ZDHHC14: variants seen among roughly 807,000 people sequenced by gnomAD.
ZDHHC14 encodes zDHHC palmitoyltransferase 14, also known as palmitoyltransferase ZDHHC14.
ZDHHC14 carries 16 observed loss-of-function variants against 47.7 expected under a neutral mutation model. That is an observed-to-expected ratio of 0.34 (90% CI 0.23 to 0.51). The LOEUF is 0.51. Among genes scored for constraint, ZDHHC14 ranks in the 20% least tolerant of loss-of-function variants. ZDHHC14 has a pLI of 0.97. For synonymous variants in ZDHHC14, 293 were observed against 278.9 expected, an observed-to-expected ratio of 1.05 and a Z score of -0.50; for missense variants, 515 against 662.5, an observed-to-expected ratio of 0.78 and a Z score of 2.44.
At chr6:157,404,398 G>C (rs1160333042) in intron 1 of ZDHHC14, among the ~76,000 whole-genome samples, 1 of 152,170 alleles carries the variant, frequency 6.6e-6, no homozygotes, top group Non-Finnish European at 1.5e-5. Flanking sequence ...GCCTCCCAAA[G>C]TGCTGGGATT....
chr6:157,394,510 A>G (rs1388800277), intron 1 of ZDHHC14, among the ~76,000 whole-genome samples: 1 of 152,116 alleles, frequency 6.6e-6, no homozygotes. Flanking sequence ...ACCCCATAAT[A>G]CAGAGGCCAT....
In ZDHHC14 at chr6:157,397,383, G is replaced by T. The variant is rs190612930; in HGVS notation, c.245+15117G>T. 9.8e-5 allele frequency among the ~76,000 whole-genome samples: 15 copies of T among 152,332 alleles called. 1 individual carries two copies. The highest frequency in any genetic ancestry group is 8.3e-4 in the South Asian group (4 of 4,824). On this transcript the variant is annotated intron_variant, in intron 1 of 8. Coordinates refer to ENST00000359775, the MANE Select transcript of ZDHHC14 (RefSeq NM_024630.3). ...CTGCTCTCCCTGGGCTACAATCAGG[G>T]TGTCAGCAGGGCTGTGTTCCTTCTG...
intron 5 of ZDHHC14, among the ~76,000 whole-genome samples, chr6:157,634,851 G>T (rs559840509): frequency 6.6e-6 from 1 of 152,344 alleles, no homozygotes; most frequent in South Asian, 2.1e-4. Flanking sequence ...TGCTGAGAAA[G>T]GCCACCCTCA....
chr6:157,497,762 A>T (rs111936874), intron 1 of ZDHHC14, among the ~76,000 whole-genome samples: 67 of 152,362 alleles, frequency 4.4e-4, no homozygotes, highest in Middle Eastern at 3.4e-3. Context: ...CATTTTCACC[A>T]GATGAGGAGC....
intron 2 of ZDHHC14, among the ~76,000 whole-genome samples, chr6:157,550,601 ATGGTG>A: frequency 6.6e-6 from 1 of 150,836 alleles, no homozygotes; most frequent in Admixed American, 6.6e-5. Flanking sequence ...TAGAGAGAAC[ATGGTG>A]TCACACAGAC....
intron 1 of ZDHHC14, among the ~76,000 whole-genome samples, chr6:157,449,326 G>A (rs894519814): frequency 6.6e-6 from 1 of 152,090 alleles, no homozygotes; most frequent in Non-Finnish European, 1.5e-5. Flanking sequence ...AATACTATAC[G>A]CGGTATATTA....
chr6:157,539,602 C>G (rs1227916007), intron 1 of ZDHHC14, among the ~76,000 whole-genome samples: 5 of 152,004 alleles, frequency 3.3e-5, no homozygotes, highest in Non-Finnish European at 5.9e-5. Flanking sequence ...GGGCCATGCA[C>G]CTAGGTTCCC....
chr6:157,557,763 C>G (rs979313490), intron 2 of ZDHHC14, among the ~76,000 whole-genome samples: 5 of 152,182 alleles, frequency 3.3e-5, no homozygotes, highest in African/African-American at 1.2e-4. Context: ...CAGCTCAGTG[C>G]TCCCAAGCAA....
At chr6:157,397,808 G>T (rs1583610564) in intron 1 of ZDHHC14, among the ~76,000 whole-genome samples, 1 of 152,352 alleles carries the variant, frequency 6.6e-6, no homozygotes, top group Non-Finnish European at 1.5e-5. Flanking sequence ...TCTGAAGGGG[G>T]CTGTCCCGAG....
At chr6:157,666,018 CT>C (rs1399296827) in intron 8 of ZDHHC14, among the ~76,000 whole-genome samples, 1 of 152,146 alleles carries the variant, frequency 6.6e-6, no homozygotes, top group Non-Finnish European at 1.5e-5. Context: ...TCATTATTGG[CT>C]TTTATTATGA....
intron 1 of ZDHHC14, among the ~76,000 whole-genome samples, chr6:157,534,533 TATTTCATTTCATTTC>T (rs34937760): frequency 0.051 from 7,215 of 141,138 alleles, 321 homozygotes; most frequent in African/African-American, 0.11. Context: ...CCTGGAATTC[TATTTCATTTCATTTC>T]ATTTCATTTC....
intron 1 of ZDHHC14, among the ~76,000 whole-genome samples, chr6:157,443,630 A>C (rs1778601907): frequency 6.6e-6 from 1 of 152,232 alleles, no homozygotes; most frequent in Admixed American, 6.5e-5. Context: ...CTATGTGGTG[A>C]GGTTTAGCAC....
chr6:157,388,241 G>A (rs767037872), intron 1 of ZDHHC14, among the ~76,000 whole-genome samples: 44 of 151,862 alleles, frequency 2.9e-4, no homozygotes, highest in Non-Finnish European at 6.3e-4. Flanking sequence ...AAACTCTGAA[G>A]GATACTATTG....
intron 3 of ZDHHC14, among the ~76,000 whole-genome samples, chr6:157,625,775 T>G (rs1785384513): frequency 6.6e-6 from 1 of 152,060 alleles, no homozygotes; most frequent in Non-Finnish European, 1.5e-5. Context: ...AATTTCTCGG[T>G]GAGCCTAGAT....
chr6:157,565,798 C>T (rs1309102087), intron 2 of ZDHHC14, among the ~76,000 whole-genome samples: 1 of 148,368 alleles, frequency 6.7e-6, no homozygotes, highest in Admixed American at 6.7e-5. Flanking sequence ...AGCAAGACTC[C>T]GTCTCCAAAA....
chr6:157,485,316 G>A (rs748982173), intron 1 of ZDHHC14, among the ~76,000 whole-genome samples: 16 of 152,028 alleles, frequency 1.1e-4, no homozygotes, highest in South Asian at 2.1e-4. Context: ...GCACACACCC[G>A]GGATCCACCC....
chr6:157,484,225 C>G (rs1779701220), intron 1 of ZDHHC14, among the ~76,000 whole-genome samples: 1 of 149,476 alleles, frequency 6.7e-6, no homozygotes, highest in African/African-American at 2.5e-5. Context: ...ACAAAATAAT[C>G]TGTGTACCAA....
intron 1 of ZDHHC14, among the ~76,000 whole-genome samples, chr6:157,450,516 T>TAAAAA (rs35262370): frequency 0.014 from 1,966 of 137,648 alleles, 25 homozygotes; most frequent in Non-Finnish European, 0.022. Flanking sequence ...GACTCCGTCT[T>TAAAAA]AAAAAAAAAA....
Position 157,577,708 on chromosome 6 carries a change from C to G in ZDHHC14, c.407-15280C>G, listed in dbSNP as rs539482334. On this transcript the variant is annotated intron_variant, in intron 2 of 8. Transcript: ENST00000359775. ...GGGATTACAGGCACCTGGCACCACA[C>G]CTGGCTAATTTTTGTATTTTTAGTA... is the stretch of plus-strand genomic sequence containing the variant. 2.6e-5 allele frequency among the ~76,000 whole-genome samples: 4 copies of G among 152,294 alleles called. No homozygotes were observed. The South Asian group carries it at 8.3e-4, about 32-fold the overall frequency.
Sources: gnomAD v4.1 joint callset for allele counts (sites outside exome capture counted in the v4.1 genomes callset) on GRCh38, gnomAD v4.1.1 for gene constraint, MANE v1.5 for transcripts, NCBI Gene and HGNC (gene_info 2026-07-23, HGNC 2026-07-21) for gene names.